The following AEBP2 variants were observed in gnomAD, a reference collection of about 807,000 sequenced individuals.
AEBP2 encodes the protein zinc finger protein AEBP2.
A neutral mutation model predicts 50.8 loss-of-function variants in AEBP2; 10 were observed. That is an observed-to-expected ratio of 0.20 (90% CI 0.12 to 0.33). The LOEUF is 0.33. Ranked by LOEUF, AEBP2 falls within the 10% of genes least tolerant of loss-of-function variation. The probability of loss-of-function intolerance (pLI) is 1.00; values close to 1 mark genes in which losing one functional copy is unlikely to be tolerated. For synonymous variants in AEBP2, 296 were observed against 261.3 expected (o/e 1.13, Z -1.28); for missense variants, 570 against 688.0 (o/e 0.83, Z 1.92).
intron 1 of AEBP2, among the ~76,000 whole-genome samples, chr12:19,415,541 C>A (rs1277640748): frequency 2.0e-5 from 3 of 150,766 alleles, no homozygotes; most frequent in Non-Finnish European, 4.4e-5. Flanking sequence ...GACATGTTGA[C>A]CAACATGATG....
intron 3 of AEBP2, among the ~76,000 whole-genome samples, chr12:19,485,574 T>G (rs1244214604): frequency 6.6e-6 from 1 of 151,790 alleles, no homozygotes; most frequent in Non-Finnish European, 1.5e-5. Context: ...CCGGGCGTGT[T>G]GGCATGTACC....
intron 2 of AEBP2, among the ~76,000 whole-genome samples, chr12:19,463,801 G>T (rs1432586174): frequency 6.6e-6 from 1 of 151,352 alleles, no homozygotes; most frequent in African/African-American, 2.4e-5. Context: ...GAGTAGCTGG[G>T]ATTACAGGTG....
intron 1 of AEBP2, among the ~76,000 whole-genome samples, chr12:19,405,118 G>A (rs1444914860): frequency 6.6e-6 from 1 of 151,018 alleles, no homozygotes; most frequent in Non-Finnish European, 1.5e-5. Context: ...TGCCTTTTTA[G>A]TAGAGATGGG....
intron 2 of AEBP2, among the ~76,000 whole-genome samples, chr12:19,469,005 A>G (rs1240713622): frequency 1.3e-5 from 2 of 152,314 alleles, no homozygotes; most frequent in East Asian, 1.9e-4. Flanking sequence ...GCTCACTGCA[A>G]CTTTCGCCTC....
upstream of AEBP2, among the ~76,000 whole-genome samples, chr12:19,435,924 T>C (rs906044261): frequency 2.6e-5 from 4 of 152,108 alleles, no homozygotes; most frequent in Non-Finnish European, 5.9e-5. Flanking sequence ...CTGAGTACTT[T>C]TGTCAGAGGT....
intron 1 of AEBP2, among the ~76,000 whole-genome samples, chr12:19,460,162 T>A (rs553348649): frequency 6.6e-6 from 1 of 152,276 alleles, no homozygotes; most frequent in East Asian, 1.9e-4. Flanking sequence ...TGAGCCGTGA[T>A]AGCACCACCG....
At chr12:19,456,323 G>A in intron 1 of AEBP2, 3 of 1,438,184 alleles carry the variant, frequency 2.1e-6, no homozygotes, top group Non-Finnish European at 2.9e-6. Flanking sequence ...CTGCTTTGAT[G>A]ACATCCACTG....
chr12:19,493,592 A>G (rs928865803), intron 3 of AEBP2, among the ~76,000 whole-genome samples: 1 of 152,102 alleles, frequency 6.6e-6, no homozygotes, highest in Non-Finnish European at 1.5e-5. Flanking sequence ...AACTTGTTGC[A>G]TTTTCAAGCT....
intron 1 of AEBP2, among the ~76,000 whole-genome samples, chr12:19,420,692 C>A (rs2095745199): frequency 6.6e-6 from 1 of 152,126 alleles, no homozygotes; most frequent in Admixed American, 6.6e-5. Context: ...GTTTTTACTT[C>A]CCTTTCCATC....
intron 3 of AEBP2, among the ~76,000 whole-genome samples, chr12:19,489,352 A>G (rs545716495): frequency 5.9e-4 from 90 of 152,328 alleles, no homozygotes; most frequent in African/African-American, 2.1e-3. Context: ...TGCCATTTTT[A>G]AAAACCATCA....
At chr12:19,500,565 A>G (rs569555683) in intron 5 of AEBP2, among the ~76,000 whole-genome samples, 1 of 152,168 alleles carries the variant, frequency 6.6e-6, no homozygotes, top group Non-Finnish European at 1.5e-5. Flanking sequence ...AAATTAGAAC[A>G]TGAGACTCCT....
intron 5 of AEBP2, among the ~76,000 whole-genome samples, chr12:19,505,761 T>TTTTGTTTG (rs141114133): frequency 6.6e-6 from 1 of 152,128 alleles, no homozygotes; most frequent in East Asian, 1.9e-4. Flanking sequence ...CATGGTCTGA[T>TTTTGTTTG]TTTGTTTGTT....
chr12:19,463,802 A>AT (rs1006363693), intron 2 of AEBP2, among the ~76,000 whole-genome samples: 1 of 148,308 alleles, frequency 6.7e-6, no homozygotes, highest in Non-Finnish European at 1.5e-5. Context: ...AGTAGCTGGG[A>AT]TTACAGGTGC....
At chr12:19,408,725 C>A (rs547909622) in intron 1 of AEBP2, among the ~76,000 whole-genome samples, 1 of 151,646 alleles carries the variant, frequency 6.6e-6, no homozygotes. Context: ...CGTGGTGAAA[C>A]CCCGTCTCTA....
At chr12:19,510,101 G>A (rs967830122) in intron 5 of AEBP2, among the ~76,000 whole-genome samples, 1 of 152,016 alleles carries the variant, frequency 6.6e-6, no homozygotes, top group Non-Finnish European at 1.5e-5. Flanking sequence ...GTTTTTATTA[G>A]TGTGTGTGTA....
At chr12:19,413,204 A>G (rs962994165) in intron 1 of AEBP2, 3 of 779,562 alleles carry the variant, frequency 3.8e-6, no homozygotes, top group Non-Finnish European at 7.1e-6. Context: ...AGCAGAAATG[A>G]GAAACAGTAT....
rs117019095 is a variant in AEBP2, at chr12:19,489,695, T to C, written c.988-4105T>C. Reference sequence around the variant, plus strand: ...ATGTAAAGAGGATGGTACTAGACTATTTGAAGCAACAGCAGATTTGTCTCT... The same window carrying C: ...ATGTAAAGAGGATGGTACTAGACTACTTGAAGCAACAGCAGATTTGTCTCT... On this transcript the variant is annotated intron_variant, in intron 3 of 7. Transcript: ENST00000266508. 1.8e-3 allele frequency among the ~76,000 whole-genome samples: 273 copies of C among 152,310 alleles called. 1 individual carries two copies. Among genetic ancestry groups the C allele is most frequent in the Admixed American group, 6.3e-3 (96 of 15,288 alleles).
intron 2 of AEBP2, among the ~76,000 whole-genome samples, chr12:19,465,385 C>T (rs989084852): frequency 5.3e-5 from 8 of 151,572 alleles, no homozygotes; most frequent in African/African-American, 1.9e-4. Flanking sequence ...CAGAATGAGA[C>T]TCTGTCTCAA....
intron 1 of AEBP2, among the ~76,000 whole-genome samples, chr12:19,406,711 A>G (rs1367970272): frequency 6.6e-6 from 1 of 151,978 alleles, no homozygotes; most frequent in African/African-American, 2.4e-5. Flanking sequence ...ACTGAGGTCT[A>G]TTTTATCAAT....
Sources: gnomAD v4.1 joint callset for allele counts (sites outside exome capture counted in the v4.1 genomes callset) on GRCh38, gnomAD v4.1.1 for gene constraint, MANE v1.5 for transcripts, NCBI Gene and HGNC (gene_info 2026-07-23, HGNC 2026-07-21) for gene names.